Variants in CCSER1 observed in about 807,000 individuals in gnomAD.
The protein encoded by CCSER1 is serine-rich coiled-coil domain-containing protein 1.
A neutral mutation model predicts 82.0 loss-of-function variants in CCSER1; 41 were observed. That is an observed-to-expected ratio of 0.50 (90% CI 0.39 to 0.65). The LOEUF (loss-of-function observed/expected upper bound fraction) is 0.65. Among genes scored for constraint, CCSER1 ranks in the 30% least tolerant of loss-of-function variants. The pLI is 0.00. For synonymous variants in CCSER1, 414 were observed against 383.9 expected (o/e 1.08, Z -0.92); for missense variants, 1,119 against 1,064.2 (o/e 1.05, Z -0.72).
intron 10 of CCSER1, among the ~76,000 whole-genome samples, chr4:91,499,636 C>T (rs1256061659): frequency 6.6e-6 from 1 of 151,934 alleles, no homozygotes; most frequent in African/African-American, 2.4e-5. Context: ...ATTCATCTCT[C>T]CTTTCCCCCT....
At chr4:90,950,657 T>C (rs1669173271) in intron 9 of CCSER1, among the ~76,000 whole-genome samples, 1 of 151,984 alleles carries the variant, frequency 6.6e-6, no homozygotes, top group Non-Finnish European at 1.5e-5. Context: ...CATACAGTGA[T>C]AACCTTTTTA....
chr4:90,639,967 T>C (rs896735390), intron 6 of CCSER1, among the ~76,000 whole-genome samples: 1 of 152,070 alleles, frequency 6.6e-6, no homozygotes, highest in African/African-American at 2.4e-5. Flanking sequence ...TATTTAATGA[T>C]TGGAAAATCA....
At chr4:90,231,423 C>A (rs952571405) in intron 1 of CCSER1, among the ~76,000 whole-genome samples, 7 of 150,814 alleles carry the variant, frequency 4.6e-5, no homozygotes, top group African/African-American at 1.5e-4. Context: ...ATTCAACAAC[C>A]CTTCATGCTA....
chr4:90,561,075 C>T (rs1778703984), intron 5 of CCSER1, among the ~76,000 whole-genome samples: 1 of 152,260 alleles, frequency 6.6e-6, no homozygotes, highest in East Asian at 1.9e-4. Flanking sequence ...ATAAAAATAG[C>T]AGAAGATGTG....
chr4:90,298,172 C>T (rs919999701), intron 1 of CCSER1, among the ~76,000 whole-genome samples: 11 of 151,982 alleles, frequency 7.2e-5, no homozygotes, highest in Non-Finnish European at 1.2e-4. Context: ...AATTTCAGCT[C>T]CTGTTATTGG....
intron 10 of CCSER1, among the ~76,000 whole-genome samples, chr4:91,174,237 T>C (rs1733071023): frequency 6.6e-6 from 1 of 152,118 alleles, no homozygotes; most frequent in African/African-American, 2.4e-5. Flanking sequence ...CTTTCCTTCT[T>C]ATTTTTTAAA....
intron 4 of CCSER1, among the ~76,000 whole-genome samples, chr4:90,444,458 T>C (rs959088812): frequency 2.0e-5 from 3 of 152,212 alleles, no homozygotes; most frequent in African/African-American, 7.2e-5. Context: ...TAACTATTTA[T>C]AGTTGGTTTT....
chr4:90,437,726 A>G (rs1560516790), intron 4 of CCSER1, among the ~76,000 whole-genome samples: 1 of 152,218 alleles, frequency 6.6e-6, no homozygotes, highest in Non-Finnish European at 1.5e-5. Context: ...GTATCTCATC[A>G]TAGTAGTTCC....
chr4:90,198,590 G>A (rs1158479081), intron 1 of CCSER1, among the ~76,000 whole-genome samples: 1 of 152,058 alleles, frequency 6.6e-6, no homozygotes, highest in Non-Finnish European at 1.5e-5. Flanking sequence ...TCATCTTGGT[G>A]AATTTCAACT....
At chr4:90,347,603 A>G (rs1210248656) in intron 3 of CCSER1, among the ~76,000 whole-genome samples, 2 of 152,050 alleles carry the variant, frequency 1.3e-5, no homozygotes, top group African/African-American at 4.8e-5. Context: ...CATGCTGAAT[A>G]TGTCCCCTAC....
At chr4:90,827,262 T>C (rs907305674) in intron 8 of CCSER1, among the ~76,000 whole-genome samples, 4 of 152,202 alleles carry the variant, frequency 2.6e-5, no homozygotes, top group Admixed American at 2.6e-4. Context: ...ATGGCACTGA[T>C]GGGACTTTCA....
intron 10 of CCSER1, among the ~76,000 whole-genome samples, chr4:91,105,008 T>G (rs1725461586): frequency 6.6e-6 from 1 of 152,180 alleles, no homozygotes; most frequent in Admixed American, 6.5e-5. Flanking sequence ...CTGAATAATA[T>G]ACATTGTACC....
At chr4:90,320,208 C>T (rs1736890657) in intron 3 of CCSER1, among the ~76,000 whole-genome samples, 1 of 152,074 alleles carries the variant, frequency 6.6e-6, no homozygotes, top group African/African-American at 2.4e-5. Context: ...GAAAAATAGG[C>T]ATCTAATAAA....
At chr4:90,251,269 T>A (rs1722328296) in intron 1 of CCSER1, among the ~76,000 whole-genome samples, 2 of 151,950 alleles carry the variant, frequency 1.3e-5, no homozygotes, top group Admixed American at 1.3e-4. Context: ...GGTATAATAA[T>A]GAATAAATAT....
At chr4:91,128,037 T>C (rs997257174) in intron 10 of CCSER1, among the ~76,000 whole-genome samples, 1 of 152,048 alleles carries the variant, frequency 6.6e-6, no homozygotes, top group African/African-American at 2.4e-5. Context: ...CCATGAATCT[T>C]ATCCTGTTAG....
intron 4 of CCSER1, among the ~76,000 whole-genome samples, chr4:90,460,846 A>G (rs1439105532): frequency 6.6e-6 from 1 of 152,170 alleles, no homozygotes; most frequent in East Asian, 1.9e-4. Context: ...TTAATAAAGA[A>G]AATAAGTAGA....
chr4:90,479,993 A>G (rs940963934), intron 5 of CCSER1, among the ~76,000 whole-genome samples: 5 of 152,224 alleles, frequency 3.3e-5, no homozygotes, highest in Non-Finnish European at 7.3e-5. Flanking sequence ...AGTCCCACCA[A>G]CAGTGTCAAA....
intron 6 of CCSER1, among the ~76,000 whole-genome samples, chr4:90,686,535 T>C (rs17183079): frequency 0.011 from 1,721 of 152,152 alleles, 17 homozygotes; most frequent in Non-Finnish European, 0.019. Flanking sequence ...TATTGAACTT[T>C]AAAGCAATTT....
intron 6 of CCSER1, among the ~76,000 whole-genome samples, chr4:90,706,937 T>C (rs564383280): frequency 3.2e-4 from 48 of 152,168 alleles, no homozygotes; most frequent in Non-Finnish European, 6.2e-4. Flanking sequence ...TTAAAAGCCA[T>C]ACCCATCATG....
Sources: gnomAD v4.1 joint callset for allele counts (sites outside exome capture counted in the v4.1 genomes callset) on GRCh38, gnomAD v4.1.1 for gene constraint, MANE v1.5 for transcripts, NCBI Gene and HGNC (gene_info 2026-07-23, HGNC 2026-07-21) for gene names.